Variants in CNTNAP2 observed in about 807,000 individuals in gnomAD.
CNTNAP2 encodes contactin associated protein 2.
A neutral mutation model predicts 155.2 loss-of-function variants in CNTNAP2; 98 were observed. The observed-to-expected ratio is 0.63, with a 90% CI of 0.54 to 0.75. The LOEUF is 0.75. Among genes scored for constraint, CNTNAP2 ranks in the 30% least tolerant of loss-of-function variants. The pLI is 0.00. For missense variants in CNTNAP2, 1,727 were observed against 1,688.1 expected (o/e 1.02, Z -0.40); for synonymous variants, 651 against 631.2 (o/e 1.03, Z -0.47).
At chr7:146,943,060 C>G (rs1797087982) in intron 3 of CNTNAP2, among the ~76,000 whole-genome samples, 1 of 151,904 alleles carries the variant, frequency 6.6e-6, no homozygotes, top group African/African-American at 2.4e-5. Context: ...GGGCACAGAC[C>G]CCCCTGTCAT....
Position 147,674,075 on chromosome 7 carries a change from C to T in CNTNAP2, c.2098+34769C>T, listed in dbSNP as rs562768316. Reference sequence around the variant, plus strand: ...AGACACATTGTAGCTATGACCGTGACGATTTACTTTTTTTAATTCTGGAGG... The same window carrying T: ...AGACACATTGTAGCTATGACCGTGATGATTTACTTTTTTTAATTCTGGAGG... On this transcript the variant is annotated intron_variant, in intron 13 of 23. Transcript: ENST00000361727. Among the ~76,000 whole-genome samples the T allele has an allele frequency of 8.6e-5, 13 of 151,762 alleles. No individual in the cohort carries two copies. In the South Asian group the frequency reaches 1.2e-3, roughly 15 times the overall value.
chr7:147,109,799 A>G (rs1243887116), intron 5 of CNTNAP2, among the ~76,000 whole-genome samples: 1 of 152,196 alleles, frequency 6.6e-6, no homozygotes, highest in South Asian at 2.1e-4. Flanking sequence ...CAGTTAGTTA[A>G]CTGTTAACTA....
intron 1 of CNTNAP2, among the ~76,000 whole-genome samples, chr7:146,333,331 G>C (rs893823419): frequency 2.0e-5 from 3 of 152,116 alleles, no homozygotes; most frequent in Admixed American, 6.5e-5. Flanking sequence ...GCAATGTTGG[G>C]TGATCAGGGT....
intron 1 of CNTNAP2, among the ~76,000 whole-genome samples, chr7:146,179,451 A>T (rs1029333470): frequency 2.0e-5 from 3 of 152,200 alleles, no homozygotes; most frequent in African/African-American, 4.8e-5. Flanking sequence ...CACTAAAAGA[A>T]ATAATGATCC....
At chr7:146,749,976 T>C (rs1238818380) in intron 1 of CNTNAP2, among the ~76,000 whole-genome samples, 1 of 152,196 alleles carries the variant, frequency 6.6e-6, no homozygotes, top group Non-Finnish European at 1.5e-5. Context: ...TGTTTAAAGA[T>C]GAGCCATGGG....
intron 1 of CNTNAP2, among the ~76,000 whole-genome samples, chr7:146,229,830 A>T (rs1053489153): frequency 3.9e-5 from 6 of 152,328 alleles, no homozygotes; most frequent in African/African-American, 1.2e-4. Context: ...AGAGATTTTT[A>T]AAATATCCTA....
chr7:148,048,603 A>G (rs1802820326), intron 15 of CNTNAP2, among the ~76,000 whole-genome samples: 1 of 152,106 alleles, frequency 6.6e-6, no homozygotes, highest in Admixed American at 6.6e-5. Context: ...GTCCTCTTGG[A>G]TCAAAGAATG....
intron 3 of CNTNAP2, among the ~76,000 whole-genome samples, chr7:146,906,172 T>TG (rs1324060000): frequency 6.6e-6 from 1 of 152,102 alleles, no homozygotes; most frequent in African/African-American, 2.4e-5. Flanking sequence ...GTCTCGCTGA[T>TG]TGCTAGCACA....
intron 8 of CNTNAP2, among the ~76,000 whole-genome samples, chr7:147,238,109 G>A (rs1334234507): frequency 1.3e-5 from 2 of 152,146 alleles, no homozygotes; most frequent in East Asian, 3.9e-4. Context: ...CCGCCTCCCG[G>A]GTTCACGCCA....
intron 1 of CNTNAP2, among the ~76,000 whole-genome samples, chr7:146,222,687 C>T (rs1174256321): frequency 3.5e-5 from 5 of 144,782 alleles, no homozygotes; most frequent in Non-Finnish European, 7.5e-5. Flanking sequence ...GACGGAGTCT[C>T]GCTTGTCGCC....
intron 13 of CNTNAP2, among the ~76,000 whole-genome samples, chr7:147,738,560 C>T (rs558080185): frequency 1.3e-4 from 19 of 151,840 alleles, no homozygotes; most frequent in African/African-American, 4.6e-4. Flanking sequence ...ATTTTTTTAG[C>T]AATGAAGCAT....
intron 15 of CNTNAP2, among the ~76,000 whole-genome samples, chr7:148,116,279 G>A (rs1415347772): frequency 6.6e-6 from 1 of 152,122 alleles, no homozygotes; most frequent in Non-Finnish European, 1.5e-5. Flanking sequence ...GTAATTAATA[G>A]GAATGCCATT....
intron 1 of CNTNAP2, among the ~76,000 whole-genome samples, chr7:146,232,068 T>A (rs2116914933): frequency 6.6e-6 from 1 of 151,504 alleles, no homozygotes; most frequent in East Asian, 1.9e-4. Flanking sequence ...GCTGACTATC[T>A]CTCAAAAGGC....
intron 13 of CNTNAP2, among the ~76,000 whole-genome samples, chr7:147,766,623 T>G (rs1216016475): frequency 1.3e-5 from 2 of 152,158 alleles, no homozygotes; most frequent in Non-Finnish European, 2.9e-5. Flanking sequence ...GTCTTAATCC[T>G]AGCCTTAATC....
At position 148,247,542 on chromosome 7, in the gene CNTNAP2, A is replaced by C. The variant is rs570846924; in HGVS notation, c.3381+17763A>C. On this transcript the variant is annotated intron_variant, in intron 20 of 23. Coordinates refer to ENST00000361727, the MANE Select transcript of CNTNAP2 (RefSeq NM_014141.6). ...CCACATCTTTGTTTTTCTTTGCAAT[A>C]AAACGCCCGGCAATAGTTATCTATG... is the stretch of plus-strand genomic sequence containing the variant. Among the ~76,000 whole-genome samples, 215 of 152,114 alleles carry C rather than the reference A, an allele frequency of 1.4e-3. 1 individual carries two copies. The Middle Eastern group carries it at 0.027, about 19-fold the overall frequency.
At chr7:146,904,805 T>C (rs182764722) in intron 3 of CNTNAP2, among the ~76,000 whole-genome samples, 2 of 152,292 alleles carry the variant, frequency 1.3e-5, no homozygotes, top group Non-Finnish European at 2.9e-5. Flanking sequence ...GCTCAGCTCT[T>C]GTCACTGACT....
chr7:146,202,218 G>C (rs140061183), intron 1 of CNTNAP2, among the ~76,000 whole-genome samples: 1 of 152,162 alleles, frequency 6.6e-6, no homozygotes, highest in East Asian at 1.9e-4. Context: ...ATGCCACATA[G>C]CTACATGAAA....
At position 146,495,119 on chromosome 7, in the gene CNTNAP2, C is replaced by G. The variant is rs377550741; in HGVS notation, c.98-279152C>G. ...TTGATAAAATGATGAGTGAGGTTGTCAAATCTGTGATAAGCCTGTGATGCC... is the reference window on the plus strand; with the variant it reads ...TTGATAAAATGATGAGTGAGGTTGTGAAATCTGTGATAAGCCTGTGATGCC... On this transcript the variant is annotated intron_variant, in intron 1 of 23. Transcript: ENST00000361727. 6.6e-5 allele frequency among the ~76,000 whole-genome samples: 10 copies of G among 152,272 alleles called. No homozygotes were observed. In the East Asian group the frequency reaches 1.5e-3, roughly 23 times the overall value.
intron 4 of CNTNAP2, among the ~76,000 whole-genome samples, chr7:147,084,820 A>G (rs1465067264): frequency 1.3e-5 from 2 of 148,526 alleles, no homozygotes; most frequent in African/African-American, 4.9e-5. Context: ...ATTTTATTAT[A>G]TATAATTTAT....
Sources: gnomAD v4.1 joint callset for allele counts (sites outside exome capture counted in the v4.1 genomes callset) on GRCh38, gnomAD v4.1.1 for gene constraint, MANE v1.5 for transcripts, NCBI Gene and HGNC (gene_info 2026-07-23, HGNC 2026-07-21) for gene names.